The following HEG1 variants were observed in gnomAD, a reference collection of about 807,000 sequenced individuals.
The protein encoded by HEG1 is protein HEG homolog 1.
Under a neutral mutation model 125.6 loss-of-function variants are expected in HEG1, and 56 were observed. The observed-to-expected ratio is 0.45, with a 90% CI of 0.36 to 0.56. HEG1 has a LOEUF of 0.56. HEG1 is among the 20% of genes least tolerant of loss of function. The probability of loss-of-function intolerance (pLI) is 0.00; values close to 1 mark genes in which losing one functional copy is unlikely to be tolerated. For missense variants in HEG1, 1,523 were observed against 1,670.0 expected, an observed-to-expected ratio of 0.91 and a Z score of 1.53; for synonymous variants, 644 against 668.5, an observed-to-expected ratio of 0.96 and a Z score of 0.57.
At chr3:125,029,039 T>A (rs1022191426) in intron 2 of HEG1, among the ~76,000 whole-genome samples, 156 bp downstream of exon 2, 2 of 152,142 alleles carry the variant, frequency 1.3e-5, no homozygotes, top group Non-Finnish European at 2.9e-5. Flanking sequence ...GCAAGCATAA[T>A]ACATATGAGG....
At chr3:125,036,640 CTTGTAG>C (rs1937550676) in intron 1 of HEG1, among the ~76,000 whole-genome samples, 1 of 152,160 alleles carries the variant, frequency 6.6e-6, no homozygotes, top group African/African-American at 2.4e-5. Flanking sequence ...AGATGTACCC[CTTGTAG>C]ACAAAGAACA....
chr3:124,978,243 G>A (rs761261994), intron 14 of HEG1, among the ~76,000 whole-genome samples: 47 of 152,208 alleles, frequency 3.1e-4, no homozygotes, highest in Non-Finnish European at 5.1e-4. Flanking sequence ...CGCCTCCTGG[G>A]TTCAAGCGAT....
At chr3:125,027,573 G>C in intron 2 of HEG1, 66 bp from the exon 3 acceptor site, 3 of 1,338,322 alleles carry the variant, frequency 2.2e-6, no homozygotes, top group Admixed American at 4.6e-5. Flanking sequence ...TATGCTTTTA[G>C]GGGGCTCAGT....
intron 5 of HEG1, chr3:125,015,117 G>T: frequency 1.4e-6 from 1 of 690,648 alleles, no homozygotes; most frequent in Non-Finnish European, 2.0e-6. Flanking sequence ...ACGCTCCCCT[G>T]TACTTTTAGG....
chr3:125,034,802 G>GA (rs112084522), intron 1 of HEG1, among the ~76,000 whole-genome samples: 50 of 147,082 alleles, frequency 3.4e-4, no homozygotes, highest in African/African-American at 1.0e-3. Context: ...CATCTCAAAA[G>GA]AAAAAAAAAT....
Position 125,013,575 on chromosome 3 carries a change from A to AGAGGAG in HEG1, c.1998_2003dup (p.Ser671_Ser672dup). 6.3e-7 allele frequency: 1 copy of AGAGGAG among 1,577,714 alleles called. No individual in the cohort carries two copies. The highest frequency in any genetic ancestry group is 8.6e-7 in the Non-Finnish European group (1 of 1,163,510). On this transcript the variant is annotated inframe_insertion, in exon 6 of 17. Coordinates refer to ENST00000311127, the MANE Select transcript of HEG1 (RefSeq NM_020733.2). ...GCAAAGGAGGCCCTGAAGAAGAAGAAGAGGAGGAGGAGGAAGAGGAGGAGG... is the reference window on the plus strand; with the variant it reads ...GCAAAGGAGGCCCTGAAGAAGAAGAAGAGGAGGAGGAGGAGGAGGAAGAGGAGGAGG...
intron 14 of HEG1, among the ~76,000 whole-genome samples, chr3:124,988,809 T>C (rs1936786386): frequency 6.6e-6 from 1 of 152,076 alleles, no homozygotes; most frequent in South Asian, 2.1e-4. Flanking sequence ...CCCAGCTACT[T>C]GGGAGACTGA....
At chr3:125,022,714 GAAA>G (rs1560028997) in intron 3 of HEG1, among the ~76,000 whole-genome samples, 1 of 40,496 alleles carries the variant, frequency 2.5e-5, no homozygotes, top group African/African-American at 6.8e-5. Context: ...TAAATAAAAA[GAAA>G]AGAAAGCATT....
At chr3:125,039,143 A>T (rs868039340) in intron 1 of HEG1, among the ~76,000 whole-genome samples, 6 of 152,026 alleles carry the variant, frequency 3.9e-5, no homozygotes, top group Non-Finnish European at 7.4e-5. Context: ...ATGGAGATTA[A>T]ATTAACAAGA....
At chr3:124,978,094 T>A (rs1012583203) in intron 14 of HEG1, 148 bp from the exon 15 acceptor site, 8 of 586,872 alleles carry the variant, frequency 1.4e-5, no homozygotes, top group Non-Finnish European at 9.1e-6. Flanking sequence ...TGGCAAGGGA[T>A]CCTCAATGGC....
chr3:125,003,983 G>A (rs1212842860), intron 9 of HEG1, among the ~76,000 whole-genome samples: 1 of 152,236 alleles, frequency 6.6e-6, no homozygotes, highest in Non-Finnish European at 1.5e-5. Flanking sequence ...GGGGATGCCT[G>A]AACTTGAAAT....
chr3:125,037,219 A>T (rs1937555521), intron 1 of HEG1, among the ~76,000 whole-genome samples: 2 of 152,254 alleles, frequency 1.3e-5, no homozygotes, highest in South Asian at 4.1e-4. Flanking sequence ...TGTTATTAAA[A>T]ATATATCTAT....
At chr3:124,989,730 G>C (rs1026156480) in intron 14 of HEG1, among the ~76,000 whole-genome samples, 2 of 152,154 alleles carry the variant, frequency 1.3e-5, no homozygotes, top group African/African-American at 4.8e-5. Context: ...AGCATGCCTG[G>C]TGGGACTATG....
Position 124,966,979 on chromosome 3 carries a change from C to T in HEG1, c.*3673G>A, listed in dbSNP as rs1348603738. 1 of 152,196 alleles carries T rather than the reference C, an allele frequency of 6.6e-6. No homozygotes were observed. Among genetic ancestry groups the T allele is most frequent in the Non-Finnish European group, 1.5e-5 (1 of 68,036 alleles). 9.4% of individuals were successfully genotyped at this position (152,196 alleles called of 1,614,324 possible). Reference sequence around the variant, plus strand: ...CAGCCTAGGAGTCCAAAGATGCTGCCTTCTCCCTTGGGCCCACTTTAAGAG... The same window carrying T: ...CAGCCTAGGAGTCCAAAGATGCTGCTTTCTCCCTTGGGCCCACTTTAAGAG... On this transcript the variant is annotated 3_prime_UTR_variant, in exon 17 of 17. Transcript: ENST00000311127.
chr3:124,983,818 C>G (rs1345418539), intron 14 of HEG1, among the ~76,000 whole-genome samples: 1 of 152,186 alleles, frequency 6.6e-6, no homozygotes, highest in Non-Finnish European at 1.5e-5. Flanking sequence ...TGATGTTTTA[C>G]ACAACTCTAT....
rs916156872 is a variant in HEG1 at position 124,966,508 on chromosome 3, A to G, written c.*4144T>C. Reference sequence around the variant, plus strand: ...AACCAGTATCTCTATTTCCAAAAACACACATGAGAACCTCAGAATGACACT... The same window carrying G: ...AACCAGTATCTCTATTTCCAAAAACGCACATGAGAACCTCAGAATGACACT... On this transcript the variant is annotated 3_prime_UTR_variant, in exon 17 of 17. Coordinates refer to ENST00000311127, the MANE Select transcript of HEG1 (RefSeq NM_020733.2). The G allele has an allele frequency of 1.3e-5, 2 of 152,226 alleles. No homozygotes were observed. The highest frequency in any genetic ancestry group is 6.5e-5 in the Admixed American group (1 of 15,278). 9.4% of individuals were successfully genotyped at this position (152,226 alleles called of 1,614,324 possible).
chr3:124,977,498 A>G (rs1301781111), intron 15 of HEG1, among the ~76,000 whole-genome samples: 1 of 152,072 alleles, frequency 6.6e-6, no homozygotes, highest in African/African-American at 2.4e-5. Context: ...ATTTGCAAGT[A>G]TTTTCTCATG....
chr3:124,981,911 T>C (rs1397790357), intron 14 of HEG1, among the ~76,000 whole-genome samples: 2 of 130,734 alleles, frequency 1.5e-5, no homozygotes, highest in East Asian at 5.1e-4. Flanking sequence ...TACACATACA[T>C]ATTTTTTTTT....
At chr3:125,040,071 A>G (rs990542900) in intron 1 of HEG1, among the ~76,000 whole-genome samples, 1 of 152,218 alleles carries the variant, frequency 6.6e-6, no homozygotes, top group Non-Finnish European at 1.5e-5. Flanking sequence ...ACGCATAACG[A>G]AAAGAATAAG....
Sources: allele counts gnomAD v4.1 joint callset (sites outside exome capture counted in the v4.1 genomes callset), GRCh38; gene constraint gnomAD v4.1.1; transcripts MANE v1.5; gene names NCBI Gene and HGNC (gene_info 2026-07-23, HGNC 2026-07-21).